Variants in ANXA11 observed in about 807,000 individuals in gnomAD.
ANXA11 encodes annexin A11, also known as 56 kDa autoantigen.
A neutral mutation model predicts 64.7 loss-of-function variants in ANXA11; 57 were observed. The ratio of observed to expected loss-of-function variants is 0.88; its 90% CI spans 0.71 to 1.10. The LOEUF (loss-of-function observed/expected upper bound fraction) is 1.10. ANXA11 is among the 50% of genes least tolerant of loss of function. The pLI is 0.00. For missense variants in ANXA11, 675 were observed against 670.7 expected (o/e 1.01, Z -0.07); for synonymous variants, 260 against 265.2 (o/e 0.98, Z 0.19).
chr10:80,161,825 G>A (rs535808122), intron 12 of ANXA11, 110 bp downstream of exon 12: 14 of 949,770 alleles, frequency 1.5e-5, no homozygotes, highest in Non-Finnish European at 2.1e-5. Flanking sequence ...TTGAGGAGGC[G>A]AAAGCCCCAC....
intron 9 of ANXA11, among the ~76,000 whole-genome samples, 165 bp downstream of exon 9, chr10:80,163,888 G>A (rs1331163440): frequency 6.6e-6 from 1 of 152,210 alleles, no homozygotes; most frequent in East Asian, 1.9e-4. Context: ...ACAGAAGGAA[G>A]GGCTGGGTCT....
At chr10:80,190,699 A>G (rs1441840402) in intron 1 of ANXA11, among the ~76,000 whole-genome samples, 2 of 150,528 alleles carry the variant, frequency 1.3e-5, no homozygotes, top group Admixed American at 6.6e-5. Flanking sequence ...GTCAGCCAAG[A>G]TGGTCTCGAT....
At chr10:80,196,619 G>A (rs943978822) in intron 1 of ANXA11, among the ~76,000 whole-genome samples, 3 of 152,142 alleles carry the variant, frequency 2.0e-5, no homozygotes, top group African/African-American at 4.8e-5. Flanking sequence ...GGCCCTGGGC[G>A]TGCACTCCAG....
intron 5 of ANXA11, among the ~76,000 whole-genome samples, chr10:80,168,696 G>C (rs563884587): frequency 6.6e-6 from 1 of 152,182 alleles, no homozygotes; most frequent in East Asian, 1.9e-4. Context: ...ACCATGCCCA[G>C]CTAATTTTTT....
At position 80,153,025 on chromosome 10, in the gene ANXA11, G is replaced by C. The variant is rs987945199; in HGVS notation, c.*2828C>G. Reference sequence around the variant, plus strand: ...CTTACACAAGCAGGTTATATAACAAGTGGAGTATACGCCTGTGACCTAAAC... The same window carrying C: ...CTTACACAAGCAGGTTATATAACAACTGGAGTATACGCCTGTGACCTAAAC... On this transcript the variant is annotated 3_prime_UTR_variant, in exon 16 of 16. Coordinates refer to ENST00000422982, the MANE Select transcript of ANXA11 (RefSeq NM_145868.2). 3 of 152,264 alleles carry C rather than the reference G, an allele frequency of 2.0e-5. No individual in the cohort carries two copies. The highest frequency in any genetic ancestry group is 2.9e-5 in the Non-Finnish European group (2 of 68,068). 9.4% of individuals were successfully genotyped at this position (152,264 alleles called of 1,614,324 possible). A position where few individuals can be genotyped will look rare whatever the true frequency, so the allele number is the denominator to read the frequency against.
chr10:80,190,043 A>G (rs1589447417), intron 1 of ANXA11, among the ~76,000 whole-genome samples: 2 of 152,260 alleles, frequency 1.3e-5, no homozygotes, highest in Admixed American at 6.5e-5. Flanking sequence ...GATTCCACCT[A>G]TATGAAGTCT....
chr10:80,166,102 C>A lies in ANXA11; in HGVS notation c.840G>T (p.Glu280Asp), dbSNP rs1292930558. ...TACACACCTTGATGGCTTCCTTTAT[C>A]TCATAAATGTCAAAGAGGACTGGGG... ...MKTPVLFDIY[E>D]IKEAIKGVGT... The change falls in exon 8 of 16, where the codon GAG becomes GAT. Residue 280 changes from glutamate to aspartate, a missense_variant. Transcript: ENST00000422982. 2.5e-6 allele frequency: 4 copies of A among 1,605,126 alleles called. No individual in the cohort carries two copies.
In ANXA11 at chr10:80,151,269, G is replaced by A. The variant is rs1045948928; in HGVS notation, c.*4584C>T. Reference sequence around the variant, plus strand: ...AGCTAAACACCAATATTAGGCCAAGGGGCAGCTTTCCAAGGAGTAGGGGCT... The same window carrying A: ...AGCTAAACACCAATATTAGGCCAAGAGGCAGCTTTCCAAGGAGTAGGGGCT... On this transcript the variant is annotated 3_prime_UTR_variant, in exon 16 of 16. Coordinates refer to ENST00000422982, the MANE Select transcript of ANXA11 (RefSeq NM_145868.2). 2 of 152,172 alleles carry A rather than the reference G, an allele frequency of 1.3e-5. No homozygotes were observed. The highest frequency in any genetic ancestry group is 2.9e-5 in the Non-Finnish European group (2 of 68,058). The allele number at this position is 152,172 out of a possible 1,614,324, so 9.4% of individuals were successfully genotyped here. A position where few individuals can be genotyped will look rare whatever the true frequency, so the allele number is the denominator to read the frequency against.
At chr10:80,184,295 G>A (rs1564620607) in intron 1 of ANXA11, among the ~76,000 whole-genome samples, 2 of 152,162 alleles carry the variant, frequency 1.3e-5, no homozygotes, top group African/African-American at 2.4e-5. Flanking sequence ...AAGCCATCAT[G>A]AGTTGAAAAT....
intron 15 of ANXA11, chr10:80,157,197 A>G: frequency 2.0e-6 from 2 of 984,638 alleles, no homozygotes; most frequent in South Asian, 9.4e-5. Context: ...GAAAAGCTGG[A>G]CTCCAAGTGG....
Position 80,161,934 on chromosome 10 carries a change from C to T in ANXA11, c.1180+1G>A. 6.2e-7 allele frequency: 1 copy of T among 1,611,394 alleles called. No homozygotes were observed. The highest frequency in any genetic ancestry group is 1.1e-5 in the South Asian group (1 of 91,038). On this transcript the variant is annotated splice_donor_variant, in intron 12 of 15. Coordinates refer to ENST00000422982, the MANE Select transcript of ANXA11 (RefSeq NM_145868.2). LOFTEE classifies it high-confidence loss of function. The stretch of plus-strand genomic sequence containing the variant: ...CTCTGAGGGACCCCAGCCTGCCTTA[C>T]CTGCTACCAGGTGGGCCCGGCTCCG...
At chr10:80,171,627 T>C (rs1191008937) in intron 3 of ANXA11, 1 of 985,304 alleles carries the variant, frequency 1.0e-6, no homozygotes, top group Admixed American at 6.1e-5. Context: ...AGGGCTCAGC[T>C]GGGTGCCCGA....
chr10:80,174,049 G>A (rs2132430681), intron 2 of ANXA11, among the ~76,000 whole-genome samples: 1 of 152,242 alleles, frequency 6.6e-6, no homozygotes, highest in East Asian at 1.9e-4. Flanking sequence ...TTGAAGAACT[G>A]GGCATATTGG....
At chr10:80,161,574 T>C (rs1042358401) in intron 12 of ANXA11, among the ~76,000 whole-genome samples, 3 of 152,254 alleles carry the variant, frequency 2.0e-5, no homozygotes, top group East Asian at 1.9e-4. Context: ...GCGATTTACA[T>C]CTGTTGAATG....
chr10:80,158,028 A>G lies in ANXA11; in HGVS notation c.1277-3T>C. ...TGGGGTATTCTTGAGACATTTCACTAGAAGAGAGAAACTCGGCATAACCAG... is the reference window on the plus strand; with the variant it reads ...TGGGGTATTCTTGAGACATTTCACTGGAAGAGAGAAACTCGGCATAACCAG... On this transcript the variant is annotated splice_polypyrimidine_tract_variant and splice_region_variant and intron_variant, in intron 13 of 15. Coordinates refer to ENST00000422982, the MANE Select transcript of ANXA11 (RefSeq NM_145868.2). 1 of 1,614,002 alleles carries G rather than the reference A, an allele frequency of 6.2e-7. No individual in the cohort carries two copies. Among genetic ancestry groups the G allele is most frequent in the Non-Finnish European group, 8.5e-7 (1 of 1,179,900 alleles).
intron 1 of ANXA11, among the ~76,000 whole-genome samples, chr10:80,190,533 C>T (rs1031028431): frequency 1.3e-4 from 19 of 142,366 alleles, no homozygotes; most frequent in African/African-American, 3.7e-4. Flanking sequence ...TTGCCCAGGC[C>T]GGACTGCAGT....
At chr10:80,194,913 G>GTCCTTGCA (rs1314299900) in intron 1 of ANXA11, among the ~76,000 whole-genome samples, 1 of 152,216 alleles carries the variant, frequency 6.6e-6, no homozygotes, top group Non-Finnish European at 1.5e-5. Flanking sequence ...CTGCCGGGCT[G>GTCCTTGCA]TCCTTGCAGG....
At chr10:80,175,230 A>T (rs1846127321) in intron 2 of ANXA11, among the ~76,000 whole-genome samples, 2 of 152,154 alleles carry the variant, frequency 1.3e-5, no homozygotes, top group Admixed American at 1.3e-4. Context: ...TTCACTGGTG[A>T]GGAGGTAATC....
intron 1 of ANXA11, among the ~76,000 whole-genome samples, chr10:80,185,678 A>T (rs1312041863): frequency 6.6e-6 from 1 of 152,252 alleles, no homozygotes; most frequent in African/African-American, 2.4e-5. Flanking sequence ...TAACAACCCT[A>T]TGAGGCAAAT....
Sources: allele counts gnomAD v4.1 joint callset (sites outside exome capture counted in the v4.1 genomes callset), GRCh38; gene constraint gnomAD v4.1.1; transcripts MANE v1.5; gene names NCBI Gene and HGNC (gene_info 2026-07-23, HGNC 2026-07-21).